The following RPTOR variants were observed in gnomAD, a reference collection of about 807,000 sequenced individuals.
RPTOR encodes regulatory-associated protein of mTOR.
RPTOR carries 21 observed loss-of-function variants against 169.9 expected under a neutral mutation model. The observed-to-expected ratio is 0.12, with a 90% confidence interval of 0.09 to 0.18. RPTOR has a LOEUF of 0.18. Among genes scored for constraint, RPTOR ranks in the 10% least tolerant of loss-of-function variants. The pLI, the probability that RPTOR is intolerant of heterozygous loss-of-function variation, is 1.00. For synonymous variants in RPTOR, 732 were observed against 753.2 expected (o/e 0.97, Z 0.46); for missense variants, 1,133 against 1,855.9 (o/e 0.61, Z 7.16).
At chr17:80,546,134 G>A (rs1406263187) in intron 1 of RPTOR, among the ~76,000 whole-genome samples, 1 of 152,142 alleles carries the variant, frequency 6.6e-6, no homozygotes, top group Non-Finnish European at 1.5e-5. Context: ...GACAACGTGC[G>A]ATATAATCTT....
intron 6 of RPTOR, among the ~76,000 whole-genome samples, chr17:80,771,475 G>A (rs996601770): frequency 6.6e-6 from 1 of 152,160 alleles, no homozygotes; most frequent in African/African-American, 2.4e-5. Context: ...GTGCAGTTAA[G>A]CTTCAGGACG....
At position 80,633,901 on chromosome 17, in the gene RPTOR, G is replaced by A. The variant is rs1286823568; in HGVS notation, c.265+8108G>A. Among the ~76,000 whole-genome samples, 3 of 152,194 alleles carry A rather than the reference G, an allele frequency of 2.0e-5. No individual in the cohort carries two copies. The highest frequency in any genetic ancestry group is 4.4e-5 in the Non-Finnish European group (3 of 68,038). ...CTTGTTTGCATCATTCGTGGAGCAT[G>A]TGCTTACTTTGTCTCATCTAGTCTT... is the stretch of plus-strand genomic sequence containing the variant. On this transcript the variant is annotated intron_variant, in intron 2 of 33. Transcript: ENST00000306801. This position sits in a 1 kb window ranked among gnomAD's most constrained non-coding sequence, Gnocchi z 4.1.
At chr17:80,808,279 G>T (rs1156920012) in intron 7 of RPTOR, among the ~76,000 whole-genome samples, 1 of 152,128 alleles carries the variant, frequency 6.6e-6, no homozygotes, top group Non-Finnish European at 1.5e-5. Context: ...ATTAAAATCA[G>T]CTGGGCCTGG....
intron 3 of RPTOR, among the ~76,000 whole-genome samples, chr17:80,665,070 A>G (rs1008316126): frequency 1.3e-5 from 2 of 152,032 alleles, no homozygotes; most frequent in Non-Finnish European, 1.5e-5. Flanking sequence ...TTGAAAGGAT[A>G]TCACTGAGAT....
In RPTOR at chr17:80,708,173, T is replaced by C. The variant is rs2066155574; in HGVS notation, c.507+174T>C. Among the ~76,000 whole-genome samples, 1 of 152,220 alleles carries C rather than the reference T, an allele frequency of 6.6e-6. No individual in the cohort carries two copies. Among genetic ancestry groups the C allele is most frequent in the Non-Finnish European group, 1.5e-5 (1 of 68,032 alleles). On this transcript the variant is annotated intron_variant, in intron 4 of 33. Coordinates refer to ENST00000306801, the MANE Select transcript of RPTOR (RefSeq NM_020761.3). The surrounding 1 kb of genome is among the most constrained non-coding windows in gnomAD (Gnocchi z 4.2). ...CAGGTAGTCAGGCACAAGGAGGGGC[T>C]GTTTCTGTGGCAGAACGTGTTCATG...
chr17:80,904,148 G>C (rs991898888), intron 20 of RPTOR, among the ~76,000 whole-genome samples: 2 of 152,356 alleles, frequency 1.3e-5, no homozygotes, highest in African/African-American at 2.4e-5. Flanking sequence ...CCCAGGAGGA[G>C]GGAGGGCGGA....
At chr17:80,705,115 T>C (rs996845104) in intron 3 of RPTOR, among the ~76,000 whole-genome samples, 4 of 152,388 alleles carry the variant, frequency 2.6e-5, no homozygotes, top group African/African-American at 9.6e-5. Context: ...CCTGTGGCCC[T>C]GGGCTCCCTG....
rs544152263 is a variant in RPTOR at position 80,659,996 on chromosome 17, C to T, written c.348+16186C>T. On this transcript the variant is annotated intron_variant, in intron 3 of 33. Transcript: ENST00000306801. This position sits in a 1 kb window ranked among gnomAD's most constrained non-coding sequence, Gnocchi z 4.3. ...ATATAAGAATTTAAATGAGGCCGGG[C>T]GTGGTGGCTCATGCCTGTAATCCCA... Among the ~76,000 whole-genome samples the T allele has an allele frequency of 1.1e-4, 17 of 150,866 alleles. No individual in the cohort carries two copies. The South Asian group carries it at 2.4e-3, about 22-fold the overall frequency.
intron 9 of RPTOR, among the ~76,000 whole-genome samples, chr17:80,830,425 G>A (rs932528605): frequency 3.3e-5 from 5 of 152,136 alleles, no homozygotes; most frequent in Non-Finnish European, 4.4e-5. Context: ...AAAATTTATC[G>A]GAATGACTTT....
intron 20 of RPTOR, among the ~76,000 whole-genome samples, chr17:80,896,056 T>C (rs2068394827): frequency 6.6e-6 from 1 of 152,188 alleles, no homozygotes; most frequent in Middle Eastern, 3.2e-3. Context: ...CTTGGGCCTT[T>C]TGTGTCTTGT....
At chr17:80,574,251 G>A (rs1477263609) in intron 1 of RPTOR, among the ~76,000 whole-genome samples, 2 of 144,716 alleles carry the variant, frequency 1.4e-5, no homozygotes, top group Admixed American at 1.4e-4. Context: ...TGCAAGCTCC[G>A]CTTCCCGGGT....
At chr17:80,634,643 ATACTGTATGTGCG>A (rs1456989295) in intron 2 of RPTOR, among the ~76,000 whole-genome samples, 3 of 51,780 alleles carry the variant, frequency 5.8e-5, no homozygotes, top group South Asian at 5.9e-4. Flanking sequence ...GTGTGTGTGC[ATACTGTATGTGCG>A]TACTGTGTGT....
intron 20 of RPTOR, among the ~76,000 whole-genome samples, chr17:80,903,458 AG>A (rs1340199438): frequency 6.6e-6 from 1 of 152,236 alleles, no homozygotes; most frequent in Non-Finnish European, 1.5e-5. Context: ...AGGCCTGCCC[AG>A]GCCTCTCAGC....
intron 7 of RPTOR, among the ~76,000 whole-genome samples, chr17:80,800,991 C>T (rs1390724987): frequency 6.6e-6 from 1 of 152,228 alleles, no homozygotes; most frequent in Non-Finnish European, 1.5e-5. Flanking sequence ...CCGTGTGGCC[C>T]AGGGACAGCA....
intron 28 of RPTOR, among the ~76,000 whole-genome samples, chr17:80,953,508 G>A (rs576668469): frequency 6.6e-6 from 1 of 152,224 alleles, no homozygotes; most frequent in Non-Finnish European, 1.5e-5. Flanking sequence ...TGTGCTTGTG[G>A]ATCTGCCCCA....
intron 13 of RPTOR, among the ~76,000 whole-genome samples, chr17:80,879,510 C>T (rs1268718564): frequency 6.6e-5 from 10 of 151,874 alleles, no homozygotes; most frequent in Non-Finnish European, 1.0e-4. Flanking sequence ...CCACCCTTCC[C>T]CTTCTTCCCT....
At chr17:80,825,317 C>T (rs375662137) in intron 9 of RPTOR, among the ~76,000 whole-genome samples, 1 of 72,192 alleles carries the variant, frequency 1.4e-5, no homozygotes, top group African/African-American at 5.6e-5. Context: ...GAGTTCGGCA[C>T]AGGGCAGCCA....
intron 3 of RPTOR, among the ~76,000 whole-genome samples, chr17:80,676,183 G>A (rs190181657): frequency 8.5e-5 from 13 of 152,294 alleles, no homozygotes; most frequent in Admixed American, 3.3e-4. Context: ...GGAGTTTGTC[G>A]TGTTTATGCA....
At chr17:80,909,238 T>C (rs2068582944) in intron 21 of RPTOR, among the ~76,000 whole-genome samples, 1 of 151,314 alleles carries the variant, frequency 6.6e-6, no homozygotes, top group Non-Finnish European at 1.5e-5. Flanking sequence ...CCATTTTTTT[T>C]TTCTTTCTTT....
Sources: gnomAD v4.1 joint callset for allele counts (sites outside exome capture counted in the v4.1 genomes callset) on GRCh38, gnomAD v4.1.1 for gene constraint, Gnocchi (gnomAD v3.1) non-coding constraint, MANE v1.5 for transcripts, NCBI Gene and HGNC (gene_info 2026-07-23, HGNC 2026-07-21) for gene names.